The following CDC73 variants were observed in gnomAD, a reference collection of about 807,000 sequenced individuals.
CDC73 encodes parafibromin.
Under a neutral mutation model 83.7 loss-of-function variants are expected in CDC73, and 21 were observed. The observed-to-expected ratio is 0.25, with a 90% CI of 0.18 to 0.36. CDC73 has a LOEUF of 0.36. CDC73 is among the 10% of genes least tolerant of loss of function. The pLI is 1.00. For synonymous variants in CDC73, 224 were observed against 212.9 expected, an observed-to-expected ratio of 1.05 and a Z score of -0.45; for missense variants, 342 against 653.3, an observed-to-expected ratio of 0.52 and a Z score of 5.19.
chr1:193,127,494 T>G lies in CDC73; in HGVS notation c.237+2277T>G, dbSNP rs114613721. ...AATAGCACCAGCTCCGTCTTTAAGG[T>G]TATTTTAACTCAGATCTTTAAAAAC... On this transcript the variant is annotated intron_variant, in intron 2 of 16. Transcript: ENST00000367435. 7.0e-3 allele frequency among the ~76,000 whole-genome samples: 1,072 copies of G among 152,262 alleles called. 10 individuals are homozygous for G. Among genetic ancestry groups the G allele is most frequent in the Non-Finnish European group, 0.011 (715 of 68,022 alleles).
intron 7 of CDC73, among the ~76,000 whole-genome samples, chr1:193,146,696 A>C (rs1257624161): frequency 6.6e-6 from 1 of 152,236 alleles, no homozygotes; most frequent in African/African-American, 2.4e-5. Context: ...CATGGGTTTT[A>C]GAGGAGACAT....
At chr1:193,246,823 C>A (rs1677962561) in intron 15 of CDC73, among the ~76,000 whole-genome samples, 1 of 152,124 alleles carries the variant, frequency 6.6e-6, no homozygotes, top group Non-Finnish European at 1.5e-5. Context: ...GGCCTGCAAG[C>A]CTAACATTTT....
At chr1:193,148,819 A>G (rs1036705777) in intron 8 of CDC73, among the ~76,000 whole-genome samples, 5 of 151,248 alleles carry the variant, frequency 3.3e-5, no homozygotes, top group African/African-American at 1.2e-4. Context: ...TAATTTTTGT[A>G]TTTTTAGTAG....
intron 10 of CDC73, among the ~76,000 whole-genome samples, chr1:193,168,714 G>A (rs1488714975): frequency 6.6e-6 from 1 of 152,078 alleles, no homozygotes; most frequent in African/African-American, 2.4e-5. Flanking sequence ...AGTAGAGACG[G>A]GGTTTCACCA....
chr1:193,233,198 C>G, intron 14 of CDC73, 44 bp downstream of exon 14: 1 of 1,526,820 alleles, frequency 6.5e-7, no homozygotes, highest in Non-Finnish European at 9.1e-7. Flanking sequence ...GGTGTTGAAC[C>G]CAAGAGAATG....
intron 10 of CDC73, among the ~76,000 whole-genome samples, chr1:193,184,596 T>A (rs1558302866): frequency 6.6e-6 from 1 of 151,944 alleles, no homozygotes; most frequent in Non-Finnish European, 1.5e-5. Flanking sequence ...TTTAAAAGTG[T>A]TGATCTCTTT....
chr1:193,188,646 G>C (rs1160606315), intron 10 of CDC73, among the ~76,000 whole-genome samples: 5 of 151,866 alleles, frequency 3.3e-5, no homozygotes, highest in Non-Finnish European at 7.4e-5. Flanking sequence ...TCCAGGAAAG[G>C]ACTAAATAAT....
chr1:193,144,582 T>A (rs143528744), intron 7 of CDC73, among the ~76,000 whole-genome samples: 75 of 152,332 alleles, frequency 4.9e-4, no homozygotes, highest in African/African-American at 1.7e-3. Context: ...AGCCATTGTG[T>A]TCTTTACTCA....
intron 13 of CDC73, among the ~76,000 whole-genome samples, chr1:193,226,464 A>G (rs551266369): frequency 2.6e-5 from 4 of 152,262 alleles, no homozygotes; most frequent in South Asian, 2.1e-4. Context: ...TTTGTCATAG[A>G]TGACTTTTAT....
In CDC73 at chr1:193,159,560, CTG is replaced by C. The variant is rs934161474; in HGVS notation, c.972+7118_972+7119del. ...TAATTTTTTGTATTTTTAGTAGAGA[CTG>C]TATTGGCCAGGCTGGTTGCGAACTC... On this transcript the variant is annotated intron_variant, in intron 10 of 16. Transcript: ENST00000367435. Among the ~76,000 whole-genome samples the C allele has an allele frequency of 3.2e-4, 49 of 151,938 alleles. 1 individual carries two copies. Among genetic ancestry groups the C allele is most frequent in the African/African-American group, 1.0e-3 (42 of 41,442 alleles).
intron 7 of CDC73, among the ~76,000 whole-genome samples, chr1:193,144,846 A>C (rs1173672405): frequency 6.6e-6 from 1 of 151,362 alleles, no homozygotes; most frequent in Non-Finnish European, 1.5e-5. Flanking sequence ...TGAAGGAAAT[A>C]AATTTGTTCC....
intron 10 of CDC73, among the ~76,000 whole-genome samples, chr1:193,202,445 AC>A (rs1677107578): frequency 6.6e-6 from 1 of 152,054 alleles, no homozygotes; most frequent in Non-Finnish European, 1.5e-5. Context: ...ATGTAATATA[AC>A]TGGAGGAAAA....
At chr1:193,122,522 C>T (rs1262084921) in intron 1 of CDC73, 191 bp downstream of exon 1, 12 of 624,512 alleles carry the variant, frequency 1.9e-5, no homozygotes, top group South Asian at 1.3e-4. Context: ...AGCTCTAGAG[C>T]AGTTCATCAC....
chr1:193,229,897 G>A (rs1210773029), intron 13 of CDC73, among the ~76,000 whole-genome samples: 1 of 152,172 alleles, frequency 6.6e-6, no homozygotes, highest in Non-Finnish European at 1.5e-5. Context: ...TTGTTAGGAA[G>A]GGAATGGCAT....
At chr1:193,237,520 G>T (rs1201060540) in intron 15 of CDC73, among the ~76,000 whole-genome samples, 1 of 152,158 alleles carries the variant, frequency 6.6e-6, no homozygotes, top group Admixed American at 6.5e-5. Flanking sequence ...GGGATGTAAA[G>T]AAATTGATCT....
intron 11 of CDC73, among the ~76,000 whole-genome samples, chr1:193,205,208 C>CCT (rs145197340): frequency 0.015 from 1,264 of 82,338 alleles, 108 homozygotes; most frequent in African/African-American, 0.034. Context: ...CCCCCCCCCC[C>CCT]TTTTTTTTTA....
intron 10 of CDC73, chr1:193,178,940 G>A (rs144170419): frequency 6.6e-6 from 1 of 152,220 alleles, no homozygotes; most frequent in Non-Finnish European, 1.5e-5. Flanking sequence ...TTACATACTT[G>A]TATGGAATAA....
chr1:193,200,371 T>G (rs997042336), intron 10 of CDC73, among the ~76,000 whole-genome samples: 2 of 152,240 alleles, frequency 1.3e-5, no homozygotes, highest in African/African-American at 4.8e-5. Flanking sequence ...CAGCACATAC[T>G]GGTACTTTGC....
intron 10 of CDC73, among the ~76,000 whole-genome samples, chr1:193,164,121 A>G (rs1387228925): frequency 6.6e-6 from 1 of 152,222 alleles, no homozygotes; most frequent in Non-Finnish European, 1.5e-5. Flanking sequence ...TACTGGCAGT[A>G]TTACATTTAC....
Sources: allele counts gnomAD v4.1 joint callset (sites outside exome capture counted in the v4.1 genomes callset), GRCh38; gene constraint gnomAD v4.1.1; transcripts MANE v1.5; gene names NCBI Gene and HGNC (gene_info 2026-07-23, HGNC 2026-07-21).